USP9X: variants seen among roughly 807,000 people sequenced by gnomAD.
The protein encoded by USP9X is ubiquitin carboxyl-terminal hydrolase 9X.
In USP9X, 7 loss-of-function variants were observed where a neutral mutation model predicts 190.3. That is an observed-to-expected ratio of 0.04 (90% confidence interval 0.02 to 0.07). USP9X has a LOEUF of 0.07. USP9X is among the 10% of genes least tolerant of loss of function. The probability of loss-of-function intolerance (pLI) is 1.00; values close to 1 mark genes in which losing one functional copy is unlikely to be tolerated. For synonymous variants in USP9X, 645 were observed against 659.5 expected (o/e 0.98, Z 0.34); for missense variants, 1,010 against 1,916.9 (o/e 0.53, Z 8.83).
chrX:41,207,047 T>TG (rs2063105183), intron 32 of USP9X, among the ~76,000 whole-genome samples: 1 of 81,057 alleles, frequency 1.2e-5, no homozygotes, highest in African/African-American at 5.1e-5. Flanking sequence ...CCCAAAGTGC[T>TG]GGATTATAGG....
Position 41,205,346 on chromosome X carries a change from A to C in USP9X, c.4868A>C (p.Gln1623Pro), listed in dbSNP as rs1165893118. 8 of 1,202,761 alleles carry C rather than the reference A, an allele frequency of 6.7e-6. No individual in the cohort carries two copies. Among genetic ancestry groups the C allele is most frequent in the Non-Finnish European group, 7.8e-6 (7 of 892,322 alleles). Residue 1623 changes from glutamine (Q) to proline (P), a missense_variant, in exon 32 of 45, where the codon CAA (glutamine) becomes CCA (proline). This residue lies in a region of USP9X where 120 missense variants were observed against 342.7 expected (regional missense o/e 0.35). Coordinates refer to ENST00000378308, the MANE Select transcript of USP9X (RefSeq NM_001039591.3). ...PRDDVFGYPQ[Q>P]FEDKPALSKT... ...GATGATGTATTTGGATATCCTCAACAATTTGAAGATAAACCAGCATTAAGT... is the reference window on the plus strand; with the variant it reads ...GATGATGTATTTGGATATCCTCAACCATTTGAAGATAAACCAGCATTAAGT...
At chrX:41,129,203 T>A in intron 3 of USP9X, 58 bp downstream of exon 3, 1 of 1,094,613 alleles carries the variant, frequency 9.1e-7, no homozygotes, top group Non-Finnish European at 1.2e-6. Context: ...CCCCACTGCC[T>A]CCTTAATAGT....
chrX:41,206,112 C>T (rs987968733), intron 32 of USP9X, among the ~76,000 whole-genome samples: 8 of 110,228 alleles, frequency 7.3e-5, no homozygotes, highest in East Asian at 2.8e-4. Flanking sequence ...AGACTGGTCT[C>T]GAACTCCTGA....
In USP9X at chrX:41,184,554, G is replaced by A; in HGVS notation, c.3437G>A (p.Gly1146Asp). ...LPNADMETRRGAYLNALKIAK... is the reference protein window; with the variant it reads ...LPNADMETRRDAYLNALKIAK... Reference sequence around the variant, plus strand: ...AATGCAGATATGGAAACTCGAAGGGGTGCCTACCTCAATGCTCTTAAAATA... The same window carrying A: ...AATGCAGATATGGAAACTCGAAGGGATGCCTACCTCAATGCTCTTAAAATA... Residue 1146 changes from glycine to aspartate, a missense_variant, in exon 23 of 45, where the codon GGT (glycine) becomes GAT (aspartate). Coordinates refer to ENST00000378308, the MANE Select transcript of USP9X (RefSeq NM_001039591.3). 2 of 1,211,463 alleles carry A rather than the reference G, an allele frequency of 1.7e-6. No individual in the cohort carries two copies. The highest frequency in any genetic ancestry group is 2.2e-6 in the Non-Finnish European group (2 of 895,464).
At chrX:41,182,627 C>T (rs1690390905) in intron 21 of USP9X, among the ~76,000 whole-genome samples, 2 of 110,400 alleles carry the variant, frequency 1.8e-5, no homozygotes, top group African/African-American at 6.6e-5. Context: ...AAAAATTCAG[C>T]TGCTAGGATC....
rs1005603563 is a variant in USP9X, at chrX:41,234,023, T to A, written c.*1499T>A. 9.1e-6 allele frequency: 1 copy of A among 109,543 alleles called. No individual in the cohort carries two copies. Among genetic ancestry groups the A allele is most frequent in the Non-Finnish European group, 1.9e-5 (1 of 52,711 alleles). 9.0% of individuals were successfully genotyped at this position (109,543 alleles called of 1,213,427 possible). A position where few individuals can be genotyped will look rare whatever the true frequency, so the allele number is the denominator to read the frequency against. ...TGTCCTGTGGTGTGTTTTTGGTTTTTTTTTTGGTTACTTTTTTTGTCCTTT... is the reference window on the plus strand; with the variant it reads ...TGTCCTGTGGTGTGTTTTTGGTTTTATTTTTGGTTACTTTTTTTGTCCTTT... On this transcript the variant is annotated 3_prime_UTR_variant, in exon 45 of 45. Transcript: ENST00000378308.
At chrX:41,161,662 G>C (rs2062633926) in intron 14 of USP9X, among the ~76,000 whole-genome samples, 1 of 33,768 alleles carries the variant, frequency 3.0e-5, no homozygotes, top group Admixed American at 4.2e-4. Context: ...TTTTTTTAAA[G>C]AGACAAGGTC....
In USP9X at chrX:41,123,609, A is replaced by G. The variant is rs2062208805; in HGVS notation, c.-20A>G. ...ACTACATAAGCAGACAAAATTGCAAAGATCTGCCCTGTGTCGAGTATGACA... is the reference window on the plus strand; with the variant it reads ...ACTACATAAGCAGACAAAATTGCAAGGATCTGCCCTGTGTCGAGTATGACA... On this transcript the variant is annotated 5_prime_UTR_variant, in exon 2 of 45. Transcript: ENST00000378308. 8.3e-7 allele frequency: 1 copy of G among 1,200,629 alleles called. No homozygotes were observed. The highest frequency in any genetic ancestry group is 1.8e-5 in the African/African-American group (1 of 57,055).
intron 41 of USP9X, among the ~76,000 whole-genome samples, chrX:41,228,725 AAGTT>A (rs72024722): frequency 0.13 from 14,983 of 111,618 alleles, 922 homozygotes; most frequent in East Asian, 0.21. Flanking sequence ...GACTGGTAAT[AAGTT>A]AGTAAGAGCA....
At chrX:41,125,371 G>A (rs1275889249) in intron 2 of USP9X, among the ~76,000 whole-genome samples, 1 of 70,890 alleles carries the variant, frequency 1.4e-5, no homozygotes, top group African/African-American at 5.3e-5. Flanking sequence ...CACGGTACCC[G>A]GCCGATCCAT....
At chrX:41,214,314 C>G (rs1163674305) in intron 33 of USP9X, among the ~76,000 whole-genome samples, 2 of 111,485 alleles carry the variant, frequency 1.8e-5, no homozygotes, top group Non-Finnish European at 3.8e-5. Context: ...ACCTAATAAT[C>G]TTGATCAAGT....
chrX:41,131,459 C>T lies in USP9X; in HGVS notation c.245C>T (p.Pro82Leu). Reference protein sequence around the residue: ...LAKLDDMINRPRWVVPVLPKG... With the variant: ...LAKLDDMINRLRWVVPVLPKG... Reference sequence around the variant, plus strand: ...TTTTTGTTTGGTAAAACTTTTAGGCCTCGATGGGTGGTTCCAGTTTTGCCG... The same window carrying T: ...TTTTTGTTTGGTAAAACTTTTAGGCTTCGATGGGTGGTTCCAGTTTTGCCG... Residue 82 changes from proline (P) to leucine (L), a missense_variant and splice_region_variant, in exon 4 of 45, where the codon CCT becomes CTT. Physicochemically the swap from Pro to Leu is moderately conservative, Grantham distance 98. This residue lies in a region of USP9X where 176 missense variants were observed against 247.5 expected (regional missense o/e 0.71). Coordinates refer to ENST00000378308, the MANE Select transcript of USP9X (RefSeq NM_001039591.3). 8.3e-7 allele frequency: 1 copy of T among 1,207,525 alleles called. No individual in the cohort carries two copies. Among genetic ancestry groups the T allele is most frequent in the Non-Finnish European group, 1.1e-6 (1 of 893,374 alleles).
Position 41,188,061 on chromosome X carries a change from G to T in USP9X, c.3754G>T (p.Gly1252Trp). 8.3e-7 allele frequency: 1 copy of T among 1,209,038 alleles called. No homozygotes were observed. The highest frequency in any genetic ancestry group is 1.1e-6 in the Non-Finnish European group (1 of 893,716). Reference sequence around the variant, plus strand: ...AAAAATTATCTGGGCATCAGGATGTGGGTCGTTACAGCTAGTATTTAGCCC... The same window carrying T: ...AAAAATTATCTGGGCATCAGGATGTTGGTCGTTACAGCTAGTATTTAGCCC... Reference protein sequence around the residue: ...IQKIIWASGCGSLQLVFSPNE... With the variant: ...IQKIIWASGCWSLQLVFSPNE... The change falls in exon 25 of 45, where the codon GGG becomes TGG. Residue 1252 changes from glycine to tryptophan, a missense_variant. Physicochemically the swap from Gly to Trp is radical, Grantham distance 184 (BLOSUM62 -2). This residue lies in a region of USP9X where 351 missense variants were observed against 480.8 expected (regional missense o/e 0.73). Coordinates refer to ENST00000378308, the MANE Select transcript of USP9X (RefSeq NM_001039591.3).
At chrX:41,157,307 A>G (rs1255372325) in intron 14 of USP9X, among the ~76,000 whole-genome samples, 1 of 111,607 alleles carries the variant, frequency 9.0e-6, no homozygotes, top group Non-Finnish European at 1.9e-5. Context: ...CCGAATGAGC[A>G]TAGGACAAAA....
chrX:41,156,414 G>A (rs925055111), intron 14 of USP9X, among the ~76,000 whole-genome samples: 1 of 111,809 alleles, frequency 8.9e-6, no homozygotes, highest in African/African-American at 3.3e-5. Flanking sequence ...CTTTTCAGTC[G>A]TATGTGGCAG....
chrX:41,185,024 C>T (rs908528585), intron 23 of USP9X, among the ~76,000 whole-genome samples: 64 of 112,056 alleles, frequency 5.7e-4, no homozygotes, highest in African/African-American at 2.0e-3. Context: ...TGTTTCCCTT[C>T]CCACCTTGGG....
intron 21 of USP9X, among the ~76,000 whole-genome samples, chrX:41,176,260 CCCT>C (rs756248728): frequency 9.0e-6 from 1 of 111,418 alleles, no homozygotes; most frequent in South Asian, 3.8e-4. Flanking sequence ...TTATTGGGCT[CCCT>C]CCTCCTCCTT....
intron 33 of USP9X, among the ~76,000 whole-genome samples, chrX:41,212,531 ATTGT>A (rs760088456): frequency 3.6e-4 from 40 of 110,746 alleles, no homozygotes; most frequent in South Asian, 7.6e-4. Flanking sequence ...GACAAAACAA[ATTGT>A]TTGACTTGAA....
chrX:41,200,983 G>A (rs1312865138), intron 30 of USP9X, 77 bp from the exon 31 acceptor site: 1 of 1,024,347 alleles, frequency 9.8e-7, no homozygotes, highest in Non-Finnish European at 1.4e-6. Flanking sequence ...TATTGCCAGG[G>A]TTGCTTTGTC....
Sources: allele counts gnomAD v4.1 joint callset (sites outside exome capture counted in the v4.1 genomes callset), GRCh38; gene constraint gnomAD v4.1.1; regional missense constraint gnomAD v4.1.1; transcripts MANE v1.5; gene names NCBI Gene and HGNC (gene_info 2026-07-23, HGNC 2026-07-21).